Variants in SLC41A3 observed in about 807,000 individuals in gnomAD.
The protein encoded by SLC41A3 is solute carrier family 41 member 3.
SLC41A3 carries 44 observed loss-of-function variants against 45.4 expected under a neutral mutation model. That is an observed-to-expected ratio of 0.97 (90% CI 0.76 to 1.25). SLC41A3 has a LOEUF of 1.25. Ranked by LOEUF, SLC41A3 falls within the 50% of genes most tolerant of loss-of-function variation. The pLI, the probability that SLC41A3 is intolerant of heterozygous loss-of-function variation, is 0.00. For synonymous variants in SLC41A3, 256 were observed against 252.4 expected (o/e 1.01, Z -0.13); for missense variants, 550 against 600.6 (o/e 0.92, Z 0.88).
At chr3:126,083,585 G>A (rs1165987305) in intron 1 of SLC41A3, among the ~76,000 whole-genome samples, 3 of 152,106 alleles carry the variant, frequency 2.0e-5, no homozygotes, top group African/African-American at 7.2e-5. Context: ...AGAGGCTGGC[G>A]GGAGGTCTGG....
Position 126,022,831 on chromosome 3 carries a change from G to A in SLC41A3, c.700C>T (p.Leu234=), listed in dbSNP as rs1213562573. The A allele has an allele frequency of 6.2e-7, 1 of 1,614,100 alleles. No homozygotes were observed. The highest frequency in any genetic ancestry group is 1.3e-5 in the African/African-American group (1 of 74,942). Residue 234 remains leucine, a synonymous_variant, in exon 6 of 11, where the codon CTG becomes TTG. Transcript: ENST00000360370. Reference sequence around the variant, plus strand: ...CTGCTAACCAAAGCCAGAATGGACAGTGTGATGAGGTCTCCCAGGCTGGCT... The same window carrying A: ...CTGCTAACCAAAGCCAGAATGGACAATGTGATGAGGTCTCCCAGGCTGGCT... The part of the protein sequence containing the change: ...IAASLGDLIT[L]SILALVSSFF...
intron 1 of SLC41A3, among the ~76,000 whole-genome samples, chr3:126,099,422 T>A (rs1416427673): frequency 6.6e-6 from 1 of 152,154 alleles, no homozygotes; most frequent in African/African-American, 2.4e-5. Context: ...TTAAAGAGGG[T>A]AGAATGAGGC....
chr3:126,080,389 T>C (rs1168362339), intron 1 of SLC41A3, among the ~76,000 whole-genome samples: 1 of 151,898 alleles, frequency 6.6e-6, no homozygotes, highest in Non-Finnish European at 1.5e-5. Flanking sequence ...AATTAAAATA[T>C]GGCCAAAAGA....
At chr3:126,027,816 A>G (rs960910125) in intron 4 of SLC41A3, among the ~76,000 whole-genome samples, 77 of 152,346 alleles carry the variant, frequency 5.1e-4, no homozygotes, top group African/African-American at 1.8e-3. Flanking sequence ...CGGAAACTGG[A>G]GCAAAGGTTC....
chr3:126,045,558 C>G (rs184190246), intron 3 of SLC41A3, among the ~76,000 whole-genome samples: 11 of 152,132 alleles, frequency 7.2e-5, no homozygotes, highest in Non-Finnish European at 1.6e-4. Context: ...AACAATTTAC[C>G]AGGACTGAAT....
At chr3:126,064,521 C>A (rs1210468797) in intron 2 of SLC41A3, among the ~76,000 whole-genome samples, 1 of 152,128 alleles carries the variant, frequency 6.6e-6, no homozygotes, top group East Asian at 1.9e-4. Context: ...CTGTCCAGAG[C>A]CAGGTGTTGA....
chr3:126,091,388 G>A (rs1042809123), intron 1 of SLC41A3, among the ~76,000 whole-genome samples: 1 of 152,120 alleles, frequency 6.6e-6, no homozygotes, highest in Non-Finnish European at 1.5e-5. Context: ...ATTTACATTG[G>A]TCAGGCCCAG....
chr3:126,048,605 A>G (rs1406074607), intron 3 of SLC41A3, among the ~76,000 whole-genome samples: 3 of 152,228 alleles, frequency 2.0e-5, no homozygotes, highest in African/African-American at 7.2e-5. Context: ...CTAGTTTATT[A>G]TACTAGCCAG....
intron 2 of SLC41A3, among the ~76,000 whole-genome samples, chr3:126,059,752 T>A (rs1392582187): frequency 6.6e-6 from 1 of 152,052 alleles, no homozygotes; most frequent in Non-Finnish European, 1.5e-5. Flanking sequence ...CTGAGAGAAG[T>A]GTTGCAGAAG....
intron 2 of SLC41A3, among the ~76,000 whole-genome samples, chr3:126,063,309 T>C (rs1170957786): frequency 6.6e-6 from 1 of 151,828 alleles, no homozygotes; most frequent in African/African-American, 2.4e-5. Context: ...CACCCCTCCC[T>C]GGGCCTCTTG....
chr3:126,035,173 G>C (rs1942089396), intron 3 of SLC41A3, among the ~76,000 whole-genome samples: 1 of 152,246 alleles, frequency 6.6e-6, no homozygotes, highest in Admixed American at 6.5e-5. Flanking sequence ...GAGTATTTCT[G>C]GGCCAGGGTG....
At position 126,006,534 on chromosome 3, in the gene SLC41A3, A is replaced by C; in HGVS notation, c.*482T>G. 2 of 1,611,020 alleles carry C rather than the reference A, an allele frequency of 1.2e-6. No homozygotes were observed. Among genetic ancestry groups the C allele is most frequent in the Non-Finnish European group, 1.7e-6 (2 of 1,179,400 alleles). ...TGGGGAGGCTGTACACCTTCTTGGC[A>C]CAGCAGCAGTGTGGCCCACGGAGCT... is the stretch of plus-strand genomic sequence containing the variant. On this transcript the variant is annotated 3_prime_UTR_variant, in exon 11 of 11. Coordinates refer to ENST00000360370, the MANE Select transcript of SLC41A3 (RefSeq NM_017836.4).
chr3:126,012,831 C>T, intron 8 of SLC41A3, 82 bp from the exon 9 acceptor site: 2 of 1,567,960 alleles, frequency 1.3e-6, no homozygotes, highest in Non-Finnish European at 1.7e-6. Flanking sequence ...TCCCTTCCTC[C>T]AGGAAGTCTT....
chr3:126,090,137 A>T (rs543190149), intron 1 of SLC41A3, among the ~76,000 whole-genome samples: 7 of 150,718 alleles, frequency 4.6e-5, no homozygotes, highest in Non-Finnish European at 1.0e-4. Context: ...TTTTATGACA[A>T]TATAGTTATT....
chr3:126,053,065 AT>A (rs1193816445), intron 2 of SLC41A3, among the ~76,000 whole-genome samples: 2 of 152,234 alleles, frequency 1.3e-5, no homozygotes, highest in Non-Finnish European at 2.9e-5. Flanking sequence ...CACATCGGGT[AT>A]CACACAACCG....
chr3:126,011,499 A>G (rs1236440849), intron 9 of SLC41A3, among the ~76,000 whole-genome samples: 2 of 152,212 alleles, frequency 1.3e-5, no homozygotes, highest in Admixed American at 1.3e-4. Flanking sequence ...TCATTAGAAT[A>G]TCAAAAAGAA....
chr3:126,065,628 G>A (rs1222566412), intron 2 of SLC41A3, among the ~76,000 whole-genome samples: 1 of 152,160 alleles, frequency 6.6e-6, no homozygotes. Context: ...ATGGGCAGAT[G>A]GGCACCTGTA....
At chr3:126,029,331 C>T (rs1941619059) in intron 4 of SLC41A3, among the ~76,000 whole-genome samples, 2 of 151,866 alleles carry the variant, frequency 1.3e-5, no homozygotes, top group African/African-American at 4.8e-5. Flanking sequence ...TGAGTGAGTT[C>T]TGCTGAGATC....
chr3:126,094,904 C>G (rs189445962), intron 1 of SLC41A3, among the ~76,000 whole-genome samples: 30 of 152,280 alleles, frequency 2.0e-4, no homozygotes, highest in African/African-American at 6.7e-4. Flanking sequence ...ATTGAAAATG[C>G]TCAGTTACAA....
Sources: allele counts gnomAD v4.1 joint callset (sites outside exome capture counted in the v4.1 genomes callset), GRCh38; gene constraint gnomAD v4.1.1; transcripts MANE v1.5; gene names NCBI Gene and HGNC (gene_info 2026-07-23, HGNC 2026-07-21).